CD4: variants seen among roughly 807,000 people sequenced by gnomAD.
CD4 encodes CD4 molecule.
CD4 carries 25 observed loss-of-function variants against 50.5 expected under a neutral mutation model. That is an observed-to-expected ratio of 0.49 (90% CI 0.36 to 0.69). CD4 has a LOEUF of 0.69. CD4 is among the 30% of genes least tolerant of loss of function. CD4 has a pLI of 0.00. For synonymous variants in CD4, 207 were observed against 221.9 expected, an observed-to-expected ratio of 0.93 and a Z score of 0.60; for missense variants, 456 against 548.5, an observed-to-expected ratio of 0.83 and a Z score of 1.68.
At chr12:6,793,674 A>T (rs1942246979) in intron 1 of CD4, among the ~76,000 whole-genome samples, 1 of 92,654 alleles carries the variant, frequency 1.1e-5, no homozygotes, top group African/African-American at 4.6e-5. Context: ...CTATCTATCT[A>T]TCTATCTATC....
intron 3 of CD4, among the ~76,000 whole-genome samples, chr12:6,802,424 T>G (rs1942592255): frequency 6.6e-6 from 1 of 152,000 alleles, no homozygotes; most frequent in Non-Finnish European, 1.5e-5. Context: ...TCTTCCCACT[T>G]CAGCCTTCCC....
At chr12:6,807,172 AAC>A (rs1217416618) in intron 3 of CD4, among the ~76,000 whole-genome samples, 3 of 9,968 alleles carry the variant, frequency 3.0e-4, no homozygotes, top group African/African-American at 2.0e-3. Context: ...GTCTCAAAAA[AAC>A]AAAAACAAAC....
chr12:6,798,013 C>A (rs1455200566), intron 1 of CD4, among the ~76,000 whole-genome samples: 2 of 152,034 alleles, frequency 1.3e-5, no homozygotes, highest in African/African-American at 4.8e-5. Flanking sequence ...TCCCATGAGG[C>A]CATATCTCAG....
At chr12:6,814,680 G>T in intron 4 of CD4, 79 bp from the exon 5 acceptor site, 2 of 1,036,226 alleles carry the variant, frequency 1.9e-6, no homozygotes, top group South Asian at 1.3e-5. Context: ...ATAATGGAGA[G>T]ATGTTGTTGG....
intron 3 of CD4, among the ~76,000 whole-genome samples, chr12:6,802,607 C>T (rs1400836330): frequency 1.3e-5 from 2 of 152,242 alleles, no homozygotes; most frequent in Admixed American, 1.3e-4. Context: ...TGCATGTGGC[C>T]TATTTTCTTC....
chr12:6,801,867 A>T (rs1343485455), intron 3 of CD4, among the ~76,000 whole-genome samples: 6 of 123,244 alleles, frequency 4.9e-5, no homozygotes, highest in African/African-American at 1.3e-4. Flanking sequence ...GCCCAGAATC[A>T]TTTTTTTCTA....
chr12:6,793,857 T>G (rs1942268138), intron 1 of CD4, among the ~76,000 whole-genome samples: 1 of 151,804 alleles, frequency 6.6e-6, no homozygotes, highest in African/African-American at 2.4e-5. Context: ...TTCATGATGT[T>G]GGCCAGGCTG....
In CD4 at chr12:6,801,774, C is replaced by A. The variant is rs187851172; in HGVS notation, c.214+1303C>A. Among the ~76,000 whole-genome samples the A allele has an allele frequency of 4.9e-3, 738 of 150,404 alleles. 5 individuals are homozygous for A. Among genetic ancestry groups the A allele is most frequent in the Middle Eastern group, 0.024 (7 of 288 alleles). ...ACAGAGTTTCACGGTGTTAGCCAGG[C>A]TGGTCTTGATCTCCTGACCTCGTGA... On this transcript the variant is annotated intron_variant, in intron 3 of 9. Transcript: ENST00000011653.
At chr12:6,802,105 C>G (rs1489239788) in intron 3 of CD4, among the ~76,000 whole-genome samples, 1 of 151,810 alleles carries the variant, frequency 6.6e-6, no homozygotes, top group Non-Finnish European at 1.5e-5. Context: ...AACTCCTGAC[C>G]TCAAGTGATT....
chr12:6,803,702 G>A (rs986689356), intron 3 of CD4, among the ~76,000 whole-genome samples: 12 of 151,166 alleles, frequency 7.9e-5, no homozygotes, highest in South Asian at 2.1e-4. Flanking sequence ...GGAGAATTGC[G>A]TGAACCCAGG....
chr12:6,818,005 G>A lies in CD4; in HGVS notation c.1157-416G>A, dbSNP rs1943138677. ...ACACACGCGCGCGCACATGCATGCA[G>A]TCACGCACACACATTCATACACGCA... On this transcript the variant is annotated intron_variant, in intron 7 of 9. Transcript: ENST00000011653. The surrounding 1 kb of genome is among the most constrained non-coding windows in gnomAD (Gnocchi z 5.0). Among the ~76,000 whole-genome samples the A allele has an allele frequency of 6.7e-6, 1 of 149,146 alleles. No homozygotes were observed. Among genetic ancestry groups the A allele is most frequent in the African/African-American group, 2.5e-5 (1 of 40,414 alleles).
intron 3 of CD4, 22 bp from the exon 4 acceptor site, chr12:6,814,120 C>T (rs10849523): frequency 2.3e-5 from 37 of 1,610,798 alleles, no homozygotes; most frequent in Admixed American, 6.7e-5. Context: ...TCAGTCCCCC[C>T]CCATATGTCT....
chr12:6,798,871 T>C (rs1403849615), intron 1 of CD4: 1 of 152,216 alleles, frequency 6.6e-6, no homozygotes, highest in Non-Finnish European at 1.5e-5. Flanking sequence ...ATAATCTTCT[T>C]CTCTATAGAA....
At chr12:6,802,617 C>T (rs73256987) in intron 3 of CD4, among the ~76,000 whole-genome samples, 139 of 151,846 alleles carry the variant, frequency 9.2e-4, no homozygotes, top group African/African-American at 3.3e-3. Flanking sequence ...CTATTTTCTT[C>T]CACTGTTGTT....
At position 6,792,315 on chromosome 12, in the gene CD4, G is replaced by A. The variant is rs1299236568; in HGVS notation, c.-68+2653G>A. On this transcript the variant is annotated intron_variant, in intron 1 of 9. Transcript: ENST00000011653. The surrounding 1 kb of genome is among the most constrained non-coding windows in gnomAD (Gnocchi z 4.1). Reference sequence around the variant, plus strand: ...GGGGTGAGGGCGGCAGGAACCTCAAGGCTCTGAGAAAGTGCGTGGTGTGTG... The same window carrying A: ...GGGGTGAGGGCGGCAGGAACCTCAAAGCTCTGAGAAAGTGCGTGGTGTGTG... 7.9e-5 allele frequency among the ~76,000 whole-genome samples: 12 copies of A among 152,146 alleles called. No homozygotes were observed. Among genetic ancestry groups the A allele is most frequent in the Non-Finnish European group, 1.8e-4 (12 of 68,026 alleles).
At chr12:6,812,120 C>G (rs1942957111) in intron 3 of CD4, among the ~76,000 whole-genome samples, 1 of 152,070 alleles carries the variant, frequency 6.6e-6, no homozygotes, top group African/African-American at 2.4e-5. Flanking sequence ...GGCATATAGG[C>G]TGGGTGCAGT....
At chr12:6,796,082 G>A (rs768348804) in intron 1 of CD4, among the ~76,000 whole-genome samples, 3 of 152,136 alleles carry the variant, frequency 2.0e-5, no homozygotes, top group Admixed American at 6.5e-5. Flanking sequence ...AGTGACTTTC[G>A]CTCCTCCATA....
At chr12:6,815,798 C>A (rs1316070657) in intron 5 of CD4, 2 of 1,451,688 alleles carry the variant, frequency 1.4e-6, no homozygotes, top group African/African-American at 1.4e-5. Flanking sequence ...CTAAGGACAG[C>A]AAGGATCCCC....
At position 6,818,819 on chromosome 12, in the gene CD4, C is replaced by G. The variant is rs200616911; in HGVS notation, c.1279-28C>G. 4 of 1,605,644 alleles carry G rather than the reference C, an allele frequency of 2.5e-6. No homozygotes were observed. Among genetic ancestry groups the G allele is most frequent in the South Asian group, 1.1e-5 (1 of 90,918 alleles). On this transcript the variant is annotated intron_variant, in intron 8 of 9. Coordinates refer to ENST00000011653, the MANE Select transcript of CD4 (RefSeq NM_000616.5). The surrounding 1 kb of genome is among the most constrained non-coding windows in gnomAD (Gnocchi z 5.0). Reference sequence around the variant, plus strand: ...CTCCCTTCTGGAGGCCTGGGACCCTCGTGACTCCCTTTCTTGTCCCTGGAC... The same window carrying G: ...CTCCCTTCTGGAGGCCTGGGACCCTGGTGACTCCCTTTCTTGTCCCTGGAC...
Sources: allele counts gnomAD v4.1 joint callset (sites outside exome capture counted in the v4.1 genomes callset), GRCh38; gene constraint gnomAD v4.1.1; non-coding constraint Gnocchi (gnomAD v3.1); transcripts MANE v1.5; gene names NCBI Gene and HGNC (gene_info 2026-07-23, HGNC 2026-07-21).